PDZRN4: variants seen among roughly 807,000 people sequenced by gnomAD.
PDZRN4 encodes the protein PDZ domain-containing RING finger protein 4.
PDZRN4 carries 70 observed loss-of-function variants against 99.0 expected under a neutral mutation model. The ratio of observed to expected loss-of-function variants is 0.71; its 90% CI spans 0.58 to 0.86. The LOEUF is 0.86. PDZRN4 is among the 40% of genes least tolerant of loss of function. PDZRN4 has a pLI of 0.00. For missense variants in PDZRN4, 1,474 were observed against 1,331.2 expected, an observed-to-expected ratio of 1.11 and a Z score of -1.67; for synonymous variants, 551 against 501.6, an observed-to-expected ratio of 1.10 and a Z score of -1.32.
At chr12:41,402,631 T>C (rs4457818) in intron 3 of PDZRN4, among the ~76,000 whole-genome samples, 10,079 of 11,202 alleles carry the variant, frequency 0.9, 4,742 homozygotes, top group Middle Eastern at 0.94. Flanking sequence ...TGAGTATATA[T>C]ATATATATAT....
intron 3 of PDZRN4, among the ~76,000 whole-genome samples, chr12:41,342,321 G>A (rs539087443): frequency 4.0e-4 from 61 of 151,736 alleles, no homozygotes; most frequent in East Asian, 1.9e-3. Flanking sequence ...CCCCAGAAGC[G>A]CGGGCAACAA....
chr12:41,405,764 G>A lies in PDZRN4; in HGVS notation c.844-100692G>A, dbSNP rs537977001. Among the ~76,000 whole-genome samples the A allele has an allele frequency of 3.9e-5, 6 of 152,254 alleles. No individual in the cohort carries two copies. The South Asian group carries it at 1.0e-3, about 26-fold the overall frequency. ...CCTATACACCATGGAATACTACACA[G>A]CCATAAAGAAGAATGAAATCATGTC... On this transcript the variant is annotated intron_variant, in intron 3 of 9. Coordinates refer to ENST00000402685, the MANE Select transcript of PDZRN4 (RefSeq NM_001164595.2).
chr12:41,353,705 C>T (rs1344008277), intron 3 of PDZRN4, among the ~76,000 whole-genome samples: 1 of 152,052 alleles, frequency 6.6e-6, no homozygotes, highest in African/African-American at 2.4e-5. Context: ...GCTGCCTGGC[C>T]TCTCTTGTTT....
At chr12:41,450,068 T>C (rs1211784971) in intron 3 of PDZRN4, among the ~76,000 whole-genome samples, 3 of 152,122 alleles carry the variant, frequency 2.0e-5, no homozygotes, top group South Asian at 4.1e-4. Context: ...ATATCCAAAT[T>C]AAAATCATAT....
intron 3 of PDZRN4, among the ~76,000 whole-genome samples, chr12:41,425,847 A>G (rs1224932832): frequency 6.6e-6 from 1 of 152,168 alleles, no homozygotes; most frequent in Non-Finnish European, 1.5e-5. Flanking sequence ...GATTTCCCAT[A>G]ATGTACAACT....
Position 41,296,073 on chromosome 12 carries a change from C to T in PDZRN4, c.843+101885C>T, listed in dbSNP as rs537699090. On this transcript the variant is annotated intron_variant, in intron 3 of 9. Coordinates refer to ENST00000402685, the MANE Select transcript of PDZRN4 (RefSeq NM_001164595.2). ...ACAATAGCCCATACCATAGACATCT[C>T]AACTAGGTCAGCTTATGCAACTCTG... Among the ~76,000 whole-genome samples, 18 of 152,250 alleles carry T rather than the reference C, an allele frequency of 1.2e-4. 1 individual carries two copies. The South Asian group carries it at 3.5e-3, about 30-fold the overall frequency.
intron 3 of PDZRN4, among the ~76,000 whole-genome samples, chr12:41,194,985 T>C (rs759217532): frequency 1.3e-5 from 2 of 152,356 alleles, no homozygotes; most frequent in South Asian, 4.1e-4. Context: ...CCTGTCATTA[T>C]CTTTTATATG....
chr12:41,285,627 G>T (rs561446943), intron 3 of PDZRN4, among the ~76,000 whole-genome samples: 4 of 152,240 alleles, frequency 2.6e-5, no homozygotes, highest in Admixed American at 2.6e-4. Context: ...ACGTTAGACT[G>T]GACAAAGAAA....
intron 3 of PDZRN4, among the ~76,000 whole-genome samples, chr12:41,476,634 A>ATTTATGAAAAGCTCCTCTTATCCAGG (rs1249801744): frequency 1.3e-5 from 2 of 152,174 alleles, no homozygotes; most frequent in African/African-American, 4.8e-5. Context: ...TGTTTGTTGT[A>ATTTATGAAAAGCTCCTCTTATCCAGG]TTTATGAAAA....
chr12:41,200,687 T>C (rs533310167), intron 3 of PDZRN4, among the ~76,000 whole-genome samples: 5 of 152,128 alleles, frequency 3.3e-5, no homozygotes, highest in Admixed American at 1.3e-4. Context: ...TCATTTTAAT[T>C]TGTGATCCAA....
chr12:41,442,232 C>A (rs548938525), intron 3 of PDZRN4, among the ~76,000 whole-genome samples: 1 of 152,156 alleles, frequency 6.6e-6, no homozygotes, highest in East Asian at 1.9e-4. Context: ...CAATTTGGAC[C>A]CTTGTAACTT....
At chr12:41,201,551 A>G (rs552389452) in intron 3 of PDZRN4, among the ~76,000 whole-genome samples, 4 of 152,228 alleles carry the variant, frequency 2.6e-5, no homozygotes, top group Admixed American at 1.3e-4. Flanking sequence ...GTGCCTGGGA[A>G]ACTTCAGACA....
At chr12:41,247,795 G>T (rs1355404349) in intron 3 of PDZRN4, among the ~76,000 whole-genome samples, 1 of 152,036 alleles carries the variant, frequency 6.6e-6, no homozygotes, top group Non-Finnish European at 1.5e-5. Flanking sequence ...TTGTGCTTAG[G>T]GTAGCCAGTT....
intron 3 of PDZRN4, among the ~76,000 whole-genome samples, chr12:41,272,272 G>T (rs1417280376): frequency 6.6e-6 from 1 of 152,014 alleles, no homozygotes; most frequent in African/African-American, 2.4e-5. Context: ...TGGTGAATCA[G>T]CCTAAAGTCA....
chr12:41,438,679 G>T (rs1952652848), intron 3 of PDZRN4, among the ~76,000 whole-genome samples: 1 of 152,130 alleles, frequency 6.6e-6, no homozygotes, highest in South Asian at 2.1e-4. Flanking sequence ...AGAAAAAAGT[G>T]TATAAATTTA....
At chr12:41,221,588 G>T (rs983688892) in intron 3 of PDZRN4, among the ~76,000 whole-genome samples, 2 of 152,036 alleles carry the variant, frequency 1.3e-5, no homozygotes, top group African/African-American at 4.8e-5. Context: ...GAACTGGCTA[G>T]TTTATGAGCA....
At chr12:41,256,931 G>T (rs1435564128) in intron 3 of PDZRN4, among the ~76,000 whole-genome samples, 1 of 152,088 alleles carries the variant, frequency 6.6e-6, no homozygotes, top group Non-Finnish European at 1.5e-5. Flanking sequence ...ATATTTCATT[G>T]TTATACATAT....
At chr12:41,346,941 T>A (rs910850245) in intron 3 of PDZRN4, among the ~76,000 whole-genome samples, 17 of 152,322 alleles carry the variant, frequency 1.1e-4, no homozygotes, top group African/African-American at 3.6e-4. Context: ...CTTAGCATAA[T>A]GTTTTAAAGG....
At chr12:41,238,580 C>T (rs115998076) in intron 3 of PDZRN4, among the ~76,000 whole-genome samples, 6,420 of 151,806 alleles carry the variant, frequency 0.042, 192 homozygotes, top group Non-Finnish European at 0.061. Context: ...GGACAGACAC[C>T]TCTCAAAAGA....
Sources: allele counts gnomAD v4.1 joint callset (sites outside exome capture counted in the v4.1 genomes callset), GRCh38; gene constraint gnomAD v4.1.1; transcripts MANE v1.5; gene names NCBI Gene and HGNC (gene_info 2026-07-23, HGNC 2026-07-21).